The following SLC19A1 variants were observed in gnomAD, a reference collection of about 807,000 sequenced individuals.
SLC19A1 encodes reduced folate transporter.
SLC19A1 carries 37 observed loss-of-function variants against 35.3 expected under a neutral mutation model. The ratio of observed to expected loss-of-function variants is 1.05; its 90% CI spans 0.81 to 1.38. SLC19A1 has a LOEUF of 1.38. SLC19A1 is among the 40% of genes most tolerant of loss of function. SLC19A1 has a pLI of 0.00. For missense variants in SLC19A1, 831 were observed against 826.9 expected, an observed-to-expected ratio of 1.00 and a Z score of -0.06; for synonymous variants, 460 against 398.5, an observed-to-expected ratio of 1.15 and a Z score of -1.84.
At position 45,506,332 on chromosome 21, in the gene SLC19A1, T is replaced by G. The variant is rs1020428906; in HGVS notation, c.498-7720A>C. 5.3e-5 allele frequency: 19 copies of G among 360,656 alleles called. No homozygotes were observed. In the East Asian group the frequency reaches 9.9e-4, roughly 19 times the overall value. The allele number at this position is 360,656 out of a possible 1,614,324, so 22.3% of individuals were successfully genotyped here. A position where few individuals can be genotyped will look rare whatever the true frequency, so the allele number is the denominator to read the frequency against. On this transcript the variant is annotated intron_variant, in intron 3 of 4. Transcript: ENST00000417954. ...TCAGGCCCTCCAGGGCCACGTGACG[T>G]CCACAGCACGGCCCCGGCTGGGGGG...
At chr21:45,510,612 C>T (rs62214276), downstream of SLC19A1, among the ~76,000 whole-genome samples, 1,912 of 152,340 alleles carry the variant, frequency 0.013, 27 homozygotes, top group East Asian at 0.035. Flanking sequence ...AATCAGGAAC[C>T]GTCCTTTGGG....
intron 4 of SLC19A1, among the ~76,000 whole-genome samples, chr21:45,529,754 T>C (rs2077788688): frequency 6.6e-6 from 1 of 151,500 alleles, no homozygotes; most frequent in Non-Finnish European, 1.5e-5. Flanking sequence ...TGTGTCCATG[T>C]GTAAGCATGT....
At chr21:45,543,531 T>TCC (rs2078374087), upstream of SLC19A1, among the ~76,000 whole-genome samples, 2 of 152,190 alleles carry the variant, frequency 1.3e-5, no homozygotes, top group African/African-American at 4.8e-5. Context: ...CCTCCTGGTG[T>TCC]TGCGGGGGTG....
downstream of SLC19A1, chr21:45,510,308 G>C (rs776064909): frequency 1.2e-5 from 18 of 1,548,564 alleles, no homozygotes; most frequent in East Asian, 4.4e-4. Flanking sequence ...GCCCCCACTT[G>C]ACCTCTGGGG....
At chr21:45,535,434 CGAG>C (rs1219102549) in intron 2 of SLC19A1, among the ~76,000 whole-genome samples, 2 of 152,326 alleles carry the variant, frequency 1.3e-5, no homozygotes, top group Admixed American at 1.3e-4. Flanking sequence ...GAACCAGGTC[CGAG>C]GAGGACAGCA....
rs1299564276 is a variant in SLC19A1 at position 45,534,499 on chromosome 21, TGG to T, written c.190-2353_190-2352del. Reference sequence around the variant, plus strand: ...GCTCTCCCCAGACCCCACGGCTCTCTGGAAAAGGGCGGCCAGGGGTCCTAGAA... The same window carrying T: ...GCTCTCCCCAGACCCCACGGCTCTCTAAAAGGGCGGCCAGGGGTCCTAGAA... On this transcript the variant is annotated intron_variant, in intron 2 of 5. Coordinates refer to ENST00000311124, the MANE Select transcript of SLC19A1 (RefSeq NM_194255.4). The surrounding 1 kb of genome is among the most constrained non-coding windows in gnomAD (Gnocchi z 4.2). The T allele has an allele frequency of 6.8e-7, 1 of 1,479,554 alleles. No homozygotes were observed. Among genetic ancestry groups the T allele is most frequent in the African/African-American group, 1.4e-5 (1 of 71,924 alleles). The allele number at this position is 1,479,554 out of a possible 1,614,324, so 91.7% of individuals were successfully genotyped here.
intron 1 of SLC19A1, among the ~76,000 whole-genome samples, chr21:45,553,622 AAT>A (rs2078489979): frequency 5.2e-5 from 2 of 38,146 alleles, no homozygotes; most frequent in African/African-American, 1.1e-4. Flanking sequence ...ACTCACCCCC[AAT>A]CCCCCCGCGC....
At chr21:45,523,725 G>A (rs1353466018) in intron 5 of SLC19A1, among the ~76,000 whole-genome samples, 3 of 152,208 alleles carry the variant, frequency 2.0e-5, no homozygotes, top group Non-Finnish European at 2.9e-5. Context: ...CCAGAGGCAG[G>A]TCAGAAGCCA....
In SLC19A1 at chr21:45,515,286, G is replaced by A. The variant is rs2037841988; in HGVS notation, c.*372C>T. 6.8e-7 allele frequency: 1 copy of A among 1,481,286 alleles called. No homozygotes were observed. The highest frequency in any genetic ancestry group is 1.4e-5 in the African/African-American group (1 of 69,858). 91.8% of individuals were successfully genotyped at this position (1,481,286 alleles called of 1,614,324 possible). A position where few individuals can be genotyped will look rare whatever the true frequency, so the allele number is the denominator to read the frequency against. On this transcript the variant is annotated 3_prime_UTR_variant, in exon 6 of 6. Transcript: ENST00000311124. ...CCCTAGAGGGCTCACAACTCCTGTG[G>A]GGCCAGTGTCCCCTGAGCTGGTATC...
upstream of SLC19A1, among the ~76,000 whole-genome samples, chr21:45,545,738 G>A (rs1040788067): frequency 2.0e-5 from 3 of 152,122 alleles, no homozygotes; most frequent in African/African-American, 4.8e-5. Context: ...AGACGGGCGC[G>A]GACCGGCCTG....
chr21:45,506,080 C>T lies in SLC19A1; in HGVS notation c.498-7468G>A, dbSNP rs913567991. Reference sequence around the variant, plus strand: ...GACAGGGATGGGAGCAGGTGGCAGCCAGCGCTTCTTAAACTTTCAAACTTT... The same window carrying T: ...GACAGGGATGGGAGCAGGTGGCAGCTAGCGCTTCTTAAACTTTCAAACTTT... On this transcript the variant is annotated intron_variant, in intron 3 of 4. Transcript: ENST00000417954. 1.9e-5 allele frequency: 29 copies of T among 1,512,382 alleles called. No homozygotes were observed. In the Admixed American group the frequency reaches 2.7e-4, roughly 14 times the overall value. 93.7% of individuals were successfully genotyped at this position (1,512,382 alleles called of 1,614,324 possible).
At chr21:45,545,896 G>A (rs1224379251), upstream of SLC19A1, among the ~76,000 whole-genome samples, 4 of 152,190 alleles carry the variant, frequency 2.6e-5, no homozygotes, top group African/African-American at 4.8e-5. Flanking sequence ...GGTGCGGTGC[G>A]CCCTGTAAAT....
rs918849896 is a variant in SLC19A1 at position 45,517,852 on chromosome 21, G to A, written c.1294-1712C>T. Among the ~76,000 whole-genome samples the A allele has an allele frequency of 2.6e-5, 4 of 152,188 alleles. No individual in the cohort carries two copies. The highest frequency in any genetic ancestry group is 6.5e-5 in the Admixed American group (1 of 15,288). ...CCCTCCCTCAGGTGTCACAAAGGCT[G>A]AGTGAGAGCCTGGACTTCCACCCCA... On this transcript the variant is annotated intron_variant, in intron 5 of 5. Transcript: ENST00000311124. This position sits in a 1 kb window ranked among gnomAD's most constrained non-coding sequence, Gnocchi z 4.4.
Position 45,515,234 on chromosome 21 carries a change from C to T in SLC19A1, c.*424G>A, listed in dbSNP as rs989320142. On this transcript the variant is annotated 3_prime_UTR_variant, in exon 6 of 6. Transcript: ENST00000311124. ...GACCAGCAATGTCACAGCTCAGCTACACCTGAGGGTCCCGGCTCCCACCCT... is the reference window on the plus strand; with the variant it reads ...GACCAGCAATGTCACAGCTCAGCTATACCTGAGGGTCCCGGCTCCCACCCT... 6 of 1,506,772 alleles carry T rather than the reference C, an allele frequency of 4.0e-6. No homozygotes were observed. The highest frequency in any genetic ancestry group is 1.4e-5 in the African/African-American group (1 of 70,504). 93.3% of individuals were successfully genotyped at this position (1,506,772 alleles called of 1,614,324 possible).
Position 45,530,180 on chromosome 21 carries a change from T to C in SLC19A1, c.1151+590A>G, listed in dbSNP as rs1485909458. ...TCCGTGTGTGTGTGGTGCGTCCATG[T>C]GTAGTGGGTGTCCATGTGTGATATA... On this transcript the variant is annotated intron_variant, in intron 4 of 5. Coordinates refer to ENST00000311124, the MANE Select transcript of SLC19A1 (RefSeq NM_194255.4). This position sits in a 1 kb window ranked among gnomAD's most constrained non-coding sequence, Gnocchi z 5.3. Among the ~76,000 whole-genome samples, 3 of 148,506 alleles carry C rather than the reference T, an allele frequency of 2.0e-5. No homozygotes were observed. The highest frequency in any genetic ancestry group is 2.0e-4 in the East Asian group (1 of 4,998).
chr21:45,538,715 A>G (rs1297156394), intron 1 of SLC19A1, among the ~76,000 whole-genome samples: 2 of 152,022 alleles, frequency 1.3e-5, no homozygotes, highest in African/African-American at 2.4e-5. Context: ...GCCGAGGCCC[A>G]GCCCCTGAGC....
At chr21:45,543,161 A>G (rs1308625372), upstream of SLC19A1, among the ~76,000 whole-genome samples, 2 of 152,214 alleles carry the variant, frequency 1.3e-5, no homozygotes, top group Non-Finnish European at 2.9e-5. Context: ...CGCAGACGGC[A>G]GCGCAGTCAC....
chr21:45,528,069 GGGGGACAGT>G (rs1182098165), intron 4 of SLC19A1, among the ~76,000 whole-genome samples: 5 of 152,058 alleles, frequency 3.3e-5, no homozygotes, highest in African/African-American at 4.8e-5. Context: ...ACTGGAGACG[GGGGGACAGT>G]GGGGACAGTG....
downstream of SLC19A1, chr21:45,512,178 C>G: frequency 2.5e-6 from 4 of 1,609,594 alleles, no homozygotes; most frequent in South Asian, 1.1e-5. Context: ...CGGCCCGGCG[C>G]GTCTTACAGG....
Sources: allele counts gnomAD v4.1 joint callset (sites outside exome capture counted in the v4.1 genomes callset), GRCh38; gene constraint gnomAD v4.1.1; non-coding constraint Gnocchi (gnomAD v3.1); transcripts MANE v1.5; gene names NCBI Gene and HGNC (gene_info 2026-07-23, HGNC 2026-07-21).